The following PLCB4 variants were observed in gnomAD, a reference collection of about 807,000 sequenced individuals.
PLCB4 encodes the protein phospholipase C beta 4, also known as 1-phosphatidylinositol 4,5-bisphosphate phosphodiesterase beta-4.
A neutral mutation model predicts 178.8 loss-of-function variants in PLCB4; 77 were observed. The observed-to-expected ratio is 0.43, with a 90% CI of 0.36 to 0.52. PLCB4 has a LOEUF of 0.52. Ranked by LOEUF, PLCB4 falls within the 20% of genes least tolerant of loss-of-function variation. The pLI is 0.00. For synonymous variants in PLCB4, 496 were observed against 490.8 expected (o/e 1.01, Z -0.14); for missense variants, 1,024 against 1,453.4 (o/e 0.70, Z 4.80).
intron 36 of PLCB4, 29 bp from the exon 37 acceptor site, chr20:9,472,761 C>T: frequency 1.4e-6 from 2 of 1,431,746 alleles, no homozygotes; most frequent in South Asian, 1.2e-5. Context: ...AATGTCATAC[C>T]AACCGTTATT....
intron 19 of PLCB4, among the ~76,000 whole-genome samples, chr20:9,397,127 A>G (rs1003850457): frequency 5.3e-5 from 8 of 152,206 alleles, no homozygotes; most frequent in African/African-American, 1.9e-4. Flanking sequence ...TGCCTTCTCA[A>G]CTAGGTTTAT....
chr20:9,411,610 C>T (rs1295193758), intron 25 of PLCB4, among the ~76,000 whole-genome samples: 1 of 151,930 alleles, frequency 6.6e-6, no homozygotes, highest in Non-Finnish European at 1.5e-5. Flanking sequence ...GTCCTAGTTT[C>T]CTTAAATAGC....
chr20:9,300,815 A>G (rs1331769949), intron 3 of PLCB4, among the ~76,000 whole-genome samples: 1 of 152,254 alleles, frequency 6.6e-6, no homozygotes, highest in Middle Eastern at 3.4e-3. Context: ...TCTTTTAAGA[A>G]AGGTGTTCAG....
chr20:9,194,692 CAAAAAAAAA>C (rs555217572), intron 2 of PLCB4, among the ~76,000 whole-genome samples: 19 of 40,802 alleles, frequency 4.7e-4, no homozygotes, highest in African/African-American at 1.7e-3. Flanking sequence ...GACTCCATCT[CAAAAAAAAA>C]AAAAAAAAAA....
intron 37 of PLCB4, 75 bp downstream of exon 37, chr20:9,472,922 T>C: frequency 1.3e-6 from 1 of 750,358 alleles, no homozygotes; most frequent in Non-Finnish European, 2.3e-6. Flanking sequence ...CCACCAGATC[T>C]CTAGCTAATT....
intron 3 of PLCB4, among the ~76,000 whole-genome samples, chr20:9,266,522 G>C: frequency 6.6e-6 from 1 of 152,072 alleles, no homozygotes; most frequent in East Asian, 1.9e-4. Context: ...CAATTTAATA[G>C]TTAGTATCTG....
intron 3 of PLCB4, among the ~76,000 whole-genome samples, chr20:9,277,127 C>T (rs372798687): frequency 1.4e-4 from 22 of 152,106 alleles, no homozygotes; most frequent in African/African-American, 4.3e-4. Flanking sequence ...ATCTTCCTTC[C>T]GTGTGGGAGA....
intron 2 of PLCB4, among the ~76,000 whole-genome samples, chr20:9,144,244 G>T (rs552727046): frequency 1.3e-5 from 2 of 152,164 alleles, no homozygotes; most frequent in South Asian, 2.1e-4. Context: ...GTTGATGTCT[G>T]GGAGAACCAA....
At chr20:9,473,509 C>A (rs887824821) in intron 38 of PLCB4, 144 bp downstream of exon 38, 13 of 434,558 alleles carry the variant, frequency 3.0e-5, no homozygotes, top group Non-Finnish European at 4.6e-5. Context: ...ATATTTTCTC[C>A]ATTATATCCA....
chr20:9,173,674 T>G (rs1034842263), intron 2 of PLCB4, among the ~76,000 whole-genome samples: 1 of 152,188 alleles, frequency 6.6e-6, no homozygotes, highest in African/African-American at 2.4e-5. Context: ...TCACATGTCT[T>G]TCTTTGATCC....
intron 3 of PLCB4, among the ~76,000 whole-genome samples, chr20:9,272,746 T>C (rs933746683): frequency 6.6e-6 from 1 of 152,120 alleles, no homozygotes; most frequent in African/African-American, 2.4e-5. Context: ...TTGGTGAGCA[T>C]ACCCTTAAAA....
At chr20:9,402,061 C>A (rs758513217) in intron 20 of PLCB4, among the ~76,000 whole-genome samples, 1 of 152,186 alleles carries the variant, frequency 6.6e-6, no homozygotes, top group African/African-American at 2.4e-5. Context: ...CATATACTTA[C>A]CTTTTGTCAG....
intron 3 of PLCB4, among the ~76,000 whole-genome samples, chr20:9,233,448 A>G (rs2093956335): frequency 6.6e-6 from 1 of 152,140 alleles, no homozygotes; most frequent in South Asian, 2.1e-4. Flanking sequence ...AAAGAAGTAA[A>G]CACGTGAAAG....
At chr20:9,408,503 C>A in intron 22 of PLCB4, 130 bp from the exon 23 acceptor site, 2 of 468,380 alleles carry the variant, frequency 4.3e-6, no homozygotes. Context: ...GTAGGAGCTA[C>A]TGACATGATA....
intron 3 of PLCB4, among the ~76,000 whole-genome samples, chr20:9,259,946 G>A: frequency 6.6e-6 from 1 of 151,862 alleles, no homozygotes; most frequent in East Asian, 1.9e-4. Context: ...ATTACTACTA[G>A]AAAATGTAAA....
At chr20:9,103,349 C>T (rs1445591756) in intron 2 of PLCB4, among the ~76,000 whole-genome samples, 4 of 152,058 alleles carry the variant, frequency 2.6e-5, no homozygotes, top group Admixed American at 2.0e-4. Context: ...CAGTGATAAA[C>T]CCATTACATG....
intron 2 of PLCB4, among the ~76,000 whole-genome samples, chr20:9,183,832 G>T (rs1377285132): frequency 6.6e-6 from 1 of 152,002 alleles, no homozygotes; most frequent in Non-Finnish European, 1.5e-5. Context: ...TGTTTTTGTT[G>T]ATCAAAATGA....
At chr20:9,451,781 A>G (rs2042787602) in intron 32 of PLCB4, among the ~76,000 whole-genome samples, 1 of 152,154 alleles carries the variant, frequency 6.6e-6, no homozygotes, top group African/African-American at 2.4e-5. Flanking sequence ...GATACATTAG[A>G]TTCACTTTTA....
At chr20:9,223,728 T>G (rs996891743) in intron 3 of PLCB4, among the ~76,000 whole-genome samples, 4 of 152,264 alleles carry the variant, frequency 2.6e-5, no homozygotes, top group African/African-American at 9.6e-5. Context: ...TTGGAAGTCA[T>G]GCATGGTCAC....
Sources: allele counts gnomAD v4.1 joint callset (sites outside exome capture counted in the v4.1 genomes callset), GRCh38; gene constraint gnomAD v4.1.1; transcripts MANE v1.5; gene names NCBI Gene and HGNC (gene_info 2026-07-23, HGNC 2026-07-21).